CDK6: variants seen among roughly 807,000 people sequenced by gnomAD.
CDK6 encodes the protein cyclin dependent kinase 6.
A neutral mutation model predicts 37.1 loss-of-function variants in CDK6; 6 were observed. The observed-to-expected ratio is 0.16, with a 90% confidence interval of 0.09 to 0.32. CDK6 has a LOEUF of 0.32. CDK6 is among the 10% of genes least tolerant of loss of function. CDK6 has a pLI of 1.00. For synonymous variants in CDK6, 160 were observed against 161.3 expected (o/e 0.99, Z 0.06); for missense variants, 224 against 418.9 (o/e 0.53, Z 4.06).
intron 4 of CDK6, among the ~76,000 whole-genome samples, chr7:92,713,098 A>C (rs1798139821): frequency 6.6e-6 from 1 of 152,072 alleles, no homozygotes; most frequent in Non-Finnish European, 1.5e-5. Flanking sequence ...TGACCTCATG[A>C]TCTGCCTGCT....
chr7:92,828,496 T>G (rs1161496558), intron 2 of CDK6, among the ~76,000 whole-genome samples: 1 of 152,198 alleles, frequency 6.6e-6, no homozygotes, highest in Non-Finnish European at 1.5e-5. Context: ...CTAATATCCA[T>G]GGTTTTACAA....
At chr7:92,780,790 A>G (rs1799970506) in intron 2 of CDK6, among the ~76,000 whole-genome samples, 1 of 150,056 alleles carries the variant, frequency 6.7e-6, no homozygotes, top group African/African-American at 2.5e-5. Context: ...CAAAAAAACA[A>G]AAAACAACAA....
Position 92,608,655 on chromosome 7 carries a change from G to C in CDK6, c.*6485C>G, listed in dbSNP as rs757011739. On this transcript the variant is annotated 3_prime_UTR_variant, in exon 8 of 8. Transcript: ENST00000424848. ...GCATCTCTTTTTACCCGAACTTTCG[G>C]AGAATTGTGTTGTACTTATTTATGC... 64 of 231,848 alleles carry C rather than the reference G, an allele frequency of 2.8e-4. No individual in the cohort carries two copies. The highest frequency in any genetic ancestry group is 9.0e-4 in the Admixed American group (16 of 17,728). The allele number at this position is 231,848 out of a possible 1,614,324, so 14.4% of individuals were successfully genotyped here. A position where few individuals can be genotyped will look rare whatever the true frequency, so the allele number is the denominator to read the frequency against.
intron 4 of CDK6, among the ~76,000 whole-genome samples, chr7:92,708,420 G>C (rs1464933024): frequency 6.6e-6 from 1 of 152,046 alleles, no homozygotes; most frequent in Non-Finnish European, 1.5e-5. Context: ...AGTAAATTAT[G>C]GTATTTTGTG....
chr7:92,788,927 G>C (rs886152088), intron 2 of CDK6, among the ~76,000 whole-genome samples: 3 of 151,992 alleles, frequency 2.0e-5, no homozygotes, highest in Non-Finnish European at 4.4e-5. Flanking sequence ...GACCTGCCTG[G>C]GTAACACAAA....
intron 5 of CDK6, among the ~76,000 whole-genome samples, chr7:92,650,222 A>C (rs1796541938): frequency 6.6e-6 from 1 of 152,190 alleles, no homozygotes; most frequent in Non-Finnish European, 1.5e-5. Flanking sequence ...AGATACATAC[A>C]CACTCATGTT....
At chr7:92,615,436 G>C in intron 7 of CDK6, 150 bp from the exon 8 acceptor site, 6 of 668,318 alleles carry the variant, frequency 9.0e-6, no homozygotes, top group Non-Finnish European at 1.5e-5. Flanking sequence ...ATAATATGGA[G>C]ACAGTACTCA....
At chr7:92,827,238 A>C (rs1801347672) in intron 2 of CDK6, among the ~76,000 whole-genome samples, 1 of 152,204 alleles carries the variant, frequency 6.6e-6, no homozygotes. Context: ...AAAAATCCTT[A>C]TGCTGTGATT....
intron 5 of CDK6, among the ~76,000 whole-genome samples, chr7:92,623,837 T>A (rs1050281145): frequency 6.6e-6 from 1 of 152,164 alleles, no homozygotes; most frequent in African/African-American, 2.4e-5. Flanking sequence ...CTCTGACAGA[T>A]GCAGTTACTA....
At chr7:92,722,926 T>C (rs1316845363) in intron 4 of CDK6, among the ~76,000 whole-genome samples, 1 of 152,230 alleles carries the variant, frequency 6.6e-6, no homozygotes, top group Non-Finnish European at 1.5e-5. Flanking sequence ...GGCTTATGCC[T>C]GTAATCCCAG....
At chr7:92,650,113 A>G (rs1562924452) in intron 5 of CDK6, among the ~76,000 whole-genome samples, 3 of 152,246 alleles carry the variant, frequency 2.0e-5, no homozygotes, top group African/African-American at 7.2e-5. Context: ...AGAAGCTACA[A>G]ACAATACACC....
chr7:92,719,751 C>G (rs1461510213), intron 4 of CDK6, among the ~76,000 whole-genome samples: 2 of 152,134 alleles, frequency 1.3e-5, no homozygotes, highest in African/African-American at 4.8e-5. Flanking sequence ...TACTGAGGTA[C>G]CAAAAAGAAT....
intron 4 of CDK6, among the ~76,000 whole-genome samples, chr7:92,683,088 A>G (rs1264721234): frequency 1.3e-5 from 2 of 152,184 alleles, no homozygotes; most frequent in Non-Finnish European, 2.9e-5. Flanking sequence ...CATAGAAACC[A>G]AGCAAATATT....
At chr7:92,680,230 C>T (rs1328274343) in intron 4 of CDK6, among the ~76,000 whole-genome samples, 5 of 149,872 alleles carry the variant, frequency 3.3e-5, no homozygotes, top group Non-Finnish European at 7.4e-5. Context: ...GTTGGGAGTT[C>T]GAGACCAGCC....
intron 3 of CDK6, among the ~76,000 whole-genome samples, chr7:92,770,163 A>G (rs1387928193): frequency 6.6e-6 from 1 of 152,200 alleles, no homozygotes; most frequent in East Asian, 1.9e-4. Context: ...GGAAAATTAG[A>G]ATATCTGTTG....
intron 2 of CDK6, among the ~76,000 whole-genome samples, chr7:92,784,937 C>T (rs921292710): frequency 6.6e-6 from 1 of 152,176 alleles, no homozygotes; most frequent in African/African-American, 2.4e-5. Flanking sequence ...GATTTTGTAA[C>T]TGCTGTTAAA....
At chr7:92,807,303 C>A (rs566053893) in intron 2 of CDK6, among the ~76,000 whole-genome samples, 1 of 151,908 alleles carries the variant, frequency 6.6e-6, no homozygotes, top group Admixed American at 6.6e-5. Flanking sequence ...ACATGTATAT[C>A]TATATCTAGA....
intron 2 of CDK6, among the ~76,000 whole-genome samples, chr7:92,788,973 T>A (rs1030566778): frequency 8.6e-5 from 13 of 151,714 alleles, no homozygotes; most frequent in Admixed American, 2.6e-4. Context: ...TTTTTTTTTT[T>A]AAATTAACTG....
In CDK6 at chr7:92,829,440, C is replaced by A. The variant is rs1233080503; in HGVS notation, c.233+3651G>T. Among the ~76,000 whole-genome samples, 5 of 152,160 alleles carry A rather than the reference C, an allele frequency of 3.3e-5. No homozygotes were observed. The East Asian group carries it at 9.6e-4, about 29-fold the overall frequency. ...CAGGTAAGCACTGGCTTGTATCTTTCTTACAGCACATGATCCTATCATGTA... is the reference window on the plus strand; with the variant it reads ...CAGGTAAGCACTGGCTTGTATCTTTATTACAGCACATGATCCTATCATGTA... On this transcript the variant is annotated intron_variant, in intron 2 of 7. Coordinates refer to ENST00000424848, the MANE Select transcript of CDK6 (RefSeq NM_001145306.2).
Sources: allele counts gnomAD v4.1 joint callset (sites outside exome capture counted in the v4.1 genomes callset), GRCh38; gene constraint gnomAD v4.1.1; transcripts MANE v1.5; gene names NCBI Gene and HGNC (gene_info 2026-07-23, HGNC 2026-07-21).